Variants in TCF20 observed in about 807,000 individuals in gnomAD.
The protein encoded by TCF20 is SPRE-binding protein.
TCF20 carries 3 observed loss-of-function variants against 148.6 expected under a neutral mutation model. That is an observed-to-expected ratio of 0.02 (90% CI 0.01 to 0.05). TCF20 has a LOEUF of 0.05. TCF20 is among the 10% of genes least tolerant of loss of function. The probability of loss-of-function intolerance (pLI) is 1.00; values close to 1 mark genes in which losing one functional copy is unlikely to be tolerated. For missense variants in TCF20, 2,350 were observed against 2,429.3 expected (o/e 0.97, Z 0.69); for synonymous variants, 1,049 against 909.5 (o/e 1.15, Z -2.76).
chr22:42,212,545 G>A lies in TCF20; in HGVS notation c.2761C>T (p.Leu921=), dbSNP rs898521467. 3.7e-6 allele frequency: 6 copies of A among 1,613,994 alleles called. No individual in the cohort carries two copies. Among genetic ancestry groups the A allele is most frequent in the Non-Finnish European group, 5.1e-6 (6 of 1,179,828 alleles). ...PGGLVSMETK[L]KSQSGQIKEE... ...TTTATCTGCCCGCTCTGGGATTTCA[G>A]CTTGGTTTCCATGGACACCAAACCA... is the stretch of plus-strand genomic sequence containing the variant. The change falls in exon 2 of 6, where the codon CTG becomes TTG. Residue 921 remains leucine, a synonymous_variant. Transcript: ENST00000677622.
At chr22:42,264,205 A>G (rs895446865) in intron 1 of TCF20, among the ~76,000 whole-genome samples, 1 of 147,992 alleles carries the variant, frequency 6.8e-6, no homozygotes, top group Non-Finnish European at 1.5e-5. Flanking sequence ...CCCCCTACCC[A>G]AACAGAAGAT....
chr22:42,193,498 A>G (rs1937444676), intron 2 of TCF20, among the ~76,000 whole-genome samples: 1 of 151,762 alleles, frequency 6.6e-6, no homozygotes, highest in African/African-American at 2.4e-5. Context: ...CACTTGGCTG[A>G]TTTATTTTTT....
At chr22:42,162,226 C>T (rs1045502830) in intron 5 of TCF20, among the ~76,000 whole-genome samples, 4 of 152,070 alleles carry the variant, frequency 2.6e-5, no homozygotes, top group Non-Finnish European at 5.9e-5. Context: ...ATCTGCCCAC[C>T]TCGGCCTCCC....
chr22:42,180,077 T>C (rs1437409154), intron 2 of TCF20, among the ~76,000 whole-genome samples: 1 of 152,226 alleles, frequency 6.6e-6, no homozygotes, highest in Non-Finnish European at 1.5e-5. Context: ...GGCCTGCAGA[T>C]CTTCCCTGTT....
chr22:42,215,357 AG>A lies in TCF20; in HGVS notation c.-36-17del. On this transcript the variant is annotated splice_polypyrimidine_tract_variant and intron_variant, in intron 1 of 5. Coordinates refer to ENST00000677622, the MANE Select transcript of TCF20 (RefSeq NM_001378418.1). ...AACAGCCCTCCTAGAAATAGAAGAA[AG>A]AAAAACATTAGACACGCATCTCCTT... The A allele has an allele frequency of 1.3e-6, 2 of 1,549,350 alleles. No individual in the cohort carries two copies. The highest frequency in any genetic ancestry group is 2.7e-5 in the African/African-American group (2 of 73,010).
chr22:42,302,962 C>G (rs1017745569), intron 1 of TCF20, among the ~76,000 whole-genome samples: 6 of 152,222 alleles, frequency 3.9e-5, no homozygotes, highest in African/African-American at 1.4e-4. Flanking sequence ...CAGAGCCTCG[C>G]TCTGTTGCCC....
intron 2 of TCF20, among the ~76,000 whole-genome samples, chr22:42,201,716 C>T (rs115452122): frequency 0.021 from 3,225 of 151,702 alleles, 131 homozygotes; most frequent in African/African-American, 0.074. Flanking sequence ...TTCAGTGAGC[C>T]GAAATTGTGC....
At chr22:42,295,061 G>A (rs1005928501) in intron 1 of TCF20, among the ~76,000 whole-genome samples, 1 of 152,212 alleles carries the variant, frequency 6.6e-6, no homozygotes, top group Admixed American at 6.5e-5. Flanking sequence ...GGGACCTGAA[G>A]ACCCAGTGAT....
intron 5 of TCF20, among the ~76,000 whole-genome samples, chr22:42,165,265 G>T (rs1935713367): frequency 6.6e-6 from 1 of 152,364 alleles, no homozygotes; most frequent in East Asian, 1.9e-4. Context: ...AGGGGCAGGG[G>T]GGCCACGCCC....
chr22:42,250,309 G>C (rs896809020), intron 1 of TCF20, among the ~76,000 whole-genome samples: 2 of 152,058 alleles, frequency 1.3e-5, no homozygotes, highest in African/African-American at 4.8e-5. Flanking sequence ...GCCAGGCGTG[G>C]TGGCGGGGCG....
intron 5 of TCF20, among the ~76,000 whole-genome samples, 162 bp from the exon 6 acceptor site, chr22:42,161,520 A>C (rs1466652362): frequency 6.6e-6 from 1 of 152,196 alleles, no homozygotes; most frequent in African/African-American, 2.4e-5. Context: ...GACCAATGCC[A>C]GGGCCACTGT....
At chr22:42,289,944 AG>A (rs1382666092) in intron 1 of TCF20, among the ~76,000 whole-genome samples, 2 of 152,202 alleles carry the variant, frequency 1.3e-5, no homozygotes, top group East Asian at 3.9e-4. Flanking sequence ...TTCTCCATCC[AG>A]ATATTGCGTG....
upstream of TCF20, among the ~76,000 whole-genome samples, chr22:42,284,835 C>A (rs1782653589): frequency 6.6e-6 from 1 of 152,230 alleles, no homozygotes; most frequent in Non-Finnish European, 1.5e-5. Flanking sequence ...CCTTCCTACC[C>A]CATGGCAATG....
At position 42,239,368 on chromosome 22, in the gene TCF20, C is replaced by T. The variant is rs551138935; in HGVS notation, c.-36-24027G>A. Among the ~76,000 whole-genome samples the T allele has an allele frequency of 3.3e-5, 5 of 151,576 alleles. No individual in the cohort carries two copies. In the South Asian group the frequency reaches 6.2e-4, roughly 19 times the overall value. ...GCGCATGCCTGTAATCCCAGCTACTCGGGAGGCTAAGGCAGGAGAATCACT... is the reference window on the plus strand; with the variant it reads ...GCGCATGCCTGTAATCCCAGCTACTTGGGAGGCTAAGGCAGGAGAATCACT... On this transcript the variant is annotated intron_variant, in intron 1 of 5. Transcript: ENST00000677622.
chr22:42,270,621 T>C lies in TCF20; in HGVS notation c.-319A>G, dbSNP rs1473717760. On this transcript the variant is annotated 5_prime_UTR_variant, in exon 1 of 6. Transcript: ENST00000677622. The stretch of plus-strand genomic sequence containing the variant: ...CGAAAGCGGCTGGGCTCGGGGTTTT[T>C]TCTCTCCATTCTCCCAACACACAGG... Among the ~76,000 whole-genome samples, 2 of 144,266 alleles carry C rather than the reference T, an allele frequency of 1.4e-5. No individual in the cohort carries two copies. Among genetic ancestry groups the C allele is most frequent in the Non-Finnish European group, 3.1e-5 (2 of 65,158 alleles). 94.6% of individuals were successfully genotyped at this position (144,266 alleles called of 152,430 possible). A position where few individuals can be genotyped will look rare whatever the true frequency, so the allele number is the denominator to read the frequency against.
At chr22:42,281,404 T>G (rs1457334616) in intron 1 of TCF20, among the ~76,000 whole-genome samples, 1 of 152,164 alleles carries the variant, frequency 6.6e-6, no homozygotes, top group Non-Finnish European at 1.5e-5. Context: ...AGGTTCTCCC[T>G]TCCTCCACAA....
In TCF20 at chr22:42,250,758, A is replaced by G. The variant is rs116991443; in HGVS notation, c.-37+19581T>C. ...ACTAGGCTGTTCCTGCATTGCTATG[A>G]AGGAATACTTAAAAGAAAAGAGATT... On this transcript the variant is annotated intron_variant, in intron 1 of 5. Coordinates refer to ENST00000677622, the MANE Select transcript of TCF20 (RefSeq NM_001378418.1). 3.7e-4 allele frequency among the ~76,000 whole-genome samples: 57 copies of G among 152,326 alleles called. No homozygotes were observed. The East Asian group carries it at 9.1e-3, about 24-fold the overall frequency.
chr22:42,330,273 A>G (rs1481893711), intron 1 of TCF20, among the ~76,000 whole-genome samples: 2 of 152,214 alleles, frequency 1.3e-5, no homozygotes, highest in South Asian at 2.1e-4. Flanking sequence ...CAAAGGGTCA[A>G]TGAGAGGGCA....
At chr22:42,234,111 T>C (rs1923665959) in intron 1 of TCF20, among the ~76,000 whole-genome samples, 1 of 152,332 alleles carries the variant, frequency 6.6e-6, no homozygotes, top group South Asian at 2.1e-4. Context: ...AAATTCAAAA[T>C]GCTCTTAACT....
Sources: allele counts gnomAD v4.1 joint callset (sites outside exome capture counted in the v4.1 genomes callset), GRCh38; gene constraint gnomAD v4.1.1; transcripts MANE v1.5; gene names NCBI Gene and HGNC (gene_info 2026-07-23, HGNC 2026-07-21).